APBA2: variants seen among roughly 807,000 people sequenced by gnomAD.
APBA2 encodes the protein amyloid beta precursor protein binding family A member 2, also known as amyloid-beta A4 precursor protein-binding family A member 2.
In APBA2, 30 loss-of-function variants were observed where a neutral mutation model predicts 75.0. The observed-to-expected ratio is 0.40, with a 90% CI of 0.30 to 0.54. The LOEUF is 0.54. Among genes scored for constraint, APBA2 ranks in the 20% least tolerant of loss-of-function variants. The probability of loss-of-function intolerance (pLI) is 0.49; values close to 1 mark genes in which losing one functional copy is unlikely to be tolerated. For synonymous variants in APBA2, 444 were observed against 409.6 expected, an observed-to-expected ratio of 1.08 and a Z score of -1.01; for missense variants, 801 against 1,016.1, an observed-to-expected ratio of 0.79 and a Z score of 2.88.
rs1011782948 is a variant in APBA2 at position 29,117,419 on chromosome 15, G to C, written c.*286G>C. The stretch of plus-strand genomic sequence containing the variant: ...CCCTGCACAAGCCAGGGTGTGTCTC[G>C]GTAGCTGTGCGTGGTGTGGAGTGTG... On this transcript the variant is annotated 3_prime_UTR_variant, in exon 15 of 15. Coordinates refer to ENST00000683413, the MANE Select transcript of APBA2 (RefSeq NM_001353788.2). 7.0e-5 allele frequency: 36 copies of C among 511,838 alleles called. No homozygotes were observed. The highest frequency in any genetic ancestry group is 1.1e-4 in the Non-Finnish European group (32 of 281,386). 31.7% of individuals were successfully genotyped at this position (511,838 alleles called of 1,614,324 possible).
At chr15:29,012,761 T>G (rs1471360640) in intron 3 of APBA2, among the ~76,000 whole-genome samples, 1 of 152,174 alleles carries the variant, frequency 6.6e-6, no homozygotes, top group African/African-American at 2.4e-5. Flanking sequence ...ACCCTCAAGT[T>G]CTTGTTGCCT....
intron 4 of APBA2, among the ~76,000 whole-genome samples, chr15:29,060,388 C>T (rs1285055039): frequency 3.9e-5 from 6 of 152,152 alleles, no homozygotes; most frequent in South Asian, 2.1e-4. Context: ...TGCCAAAACC[C>T]GTGCCTCTGA....
intron 3 of APBA2, among the ~76,000 whole-genome samples, chr15:29,004,887 C>T (rs1321463476): frequency 6.6e-6 from 1 of 152,146 alleles, no homozygotes; most frequent in East Asian, 1.9e-4. Context: ...TCCATGTTGG[C>T]CAGGCTGGTC....
chr15:28,986,204 G>C (rs938473511), intron 2 of APBA2, among the ~76,000 whole-genome samples: 1 of 152,174 alleles, frequency 6.6e-6, no homozygotes, highest in African/African-American at 2.4e-5. Flanking sequence ...CACCCAAAAG[G>C]ACAAAGTATG....
intron 8 of APBA2, among the ~76,000 whole-genome samples, chr15:29,097,123 C>G (rs571061426): frequency 1.3e-5 from 2 of 152,376 alleles, no homozygotes; most frequent in African/African-American, 4.8e-5. Context: ...CCCCCAAGGA[C>G]GCTGTGGGAT....
chr15:28,942,926 G>A (rs2035318707), intron 2 of APBA2, among the ~76,000 whole-genome samples: 1 of 152,218 alleles, frequency 6.6e-6, no homozygotes, highest in Admixed American at 6.5e-5. Flanking sequence ...TCCTTCCTGG[G>A]CCTCGGTTTC....
intron 3 of APBA2, among the ~76,000 whole-genome samples, chr15:29,030,029 T>C (rs940741616): frequency 1.1e-4 from 17 of 152,168 alleles, no homozygotes; most frequent in African/African-American, 4.1e-4. Flanking sequence ...GCCCAACAGG[T>C]GTGGCCCCAA....
chr15:29,000,822 T>C (rs1051270782), intron 3 of APBA2, among the ~76,000 whole-genome samples: 1 of 152,148 alleles, frequency 6.6e-6, no homozygotes, highest in Non-Finnish European at 1.5e-5. Flanking sequence ...CTTGAACTCC[T>C]TGGCCCCTAG....
chr15:29,051,423 A>G (rs549449416), intron 3 of APBA2, among the ~76,000 whole-genome samples: 4 of 152,052 alleles, frequency 2.6e-5, no homozygotes, highest in Non-Finnish European at 5.9e-5. Context: ...TGCTCCGCAT[A>G]CCAGTGATGC....
At chr15:28,971,589 C>T (rs2037071902) in intron 2 of APBA2, among the ~76,000 whole-genome samples, 2 of 152,060 alleles carry the variant, frequency 1.3e-5, no homozygotes, top group Admixed American at 6.6e-5. Flanking sequence ...GGAGATGTTT[C>T]CTGGAGGTTT....
chr15:28,974,367 GA>G (rs1464033379), intron 2 of APBA2, among the ~76,000 whole-genome samples: 1 of 152,204 alleles, frequency 6.6e-6, no homozygotes, highest in Non-Finnish European at 1.5e-5. Context: ...GGGGAGACAT[GA>G]GGGACACGCA....
Position 29,093,104 on chromosome 15 carries a change from A to G in APBA2, c.1099A>G (p.Ile367Val). 1.9e-6 allele frequency: 3 copies of G among 1,614,222 alleles called. No individual in the cohort carries two copies. The highest frequency in any genetic ancestry group is 8.5e-7 in the Non-Finnish European group (1 of 1,180,034). ...VPGPCEPEDL[I>V]DGIIFAANYL... ...AGGGCCCTGCGAACCAGAAGACCTC[A>G]TCGACGGGATCATCTTTGCTGCCAA... Residue 367 changes from isoleucine (I) to valine (V), a missense_variant, in exon 7 of 15, where the codon ATC becomes GTC. Physicochemically the swap from Ile to Val is conservative, Grantham distance 29 (BLOSUM62 3). This residue lies in a region of APBA2 where 367 missense variants were observed against 544.5 expected (regional missense o/e 0.67). Coordinates refer to ENST00000683413, the MANE Select transcript of APBA2 (RefSeq NM_001353788.2).
intron 6 of APBA2, among the ~76,000 whole-genome samples, chr15:29,080,195 C>T (rs904008823): frequency 1.4e-4 from 21 of 152,160 alleles, no homozygotes; most frequent in African/African-American, 4.6e-4. Context: ...TTAAGTATAT[C>T]AACTTAACAA....
chr15:29,028,023 T>C (rs2040310547), intron 3 of APBA2, among the ~76,000 whole-genome samples: 1 of 151,990 alleles, frequency 6.6e-6, no homozygotes, highest in South Asian at 2.1e-4. Flanking sequence ...TTGGGGTACA[T>C]GTGCAGGATG....
intron 2 of APBA2, among the ~76,000 whole-genome samples, chr15:28,959,414 T>C (rs1022251683): frequency 2.0e-5 from 3 of 152,164 alleles, no homozygotes; most frequent in Non-Finnish European, 4.4e-5. Flanking sequence ...TAAAATGATA[T>C]CATCAAGGTA....
At chr15:29,034,039 T>C (rs149553033) in intron 3 of APBA2, among the ~76,000 whole-genome samples, 70 of 151,304 alleles carry the variant, frequency 4.6e-4, no homozygotes, top group African/African-American at 1.7e-3. Flanking sequence ...GATGCAAAGC[T>C]TTGGCGTCCT....
At position 29,117,737 on chromosome 15, in the gene APBA2, C is replaced by CTATTAT. The variant is rs142155061; in HGVS notation, c.*607_*612dup. 2.6e-5 allele frequency: 4 copies of CTATTAT among 154,246 alleles called. No individual in the cohort carries two copies. The highest frequency in any genetic ancestry group is 9.7e-5 in the African/African-American group (4 of 41,380). The allele number at this position is 154,246 out of a possible 1,614,324, so 9.6% of individuals were successfully genotyped here. On this transcript the variant is annotated 3_prime_UTR_variant, in exon 15 of 15. Coordinates refer to ENST00000683413, the MANE Select transcript of APBA2 (RefSeq NM_001353788.2). ...TGAAAACTCCATATTTATTTAGATG[C>CTATTAT]TATTATTACTGTTTGGACTTTTATT...
chr15:29,061,088 G>T (rs115646324), intron 4 of APBA2, among the ~76,000 whole-genome samples: 4 of 152,144 alleles, frequency 2.6e-5, no homozygotes, highest in African/African-American at 9.7e-5. Context: ...CCATAAGAGC[G>T]TTTGTCCAGC....
At chr15:28,997,959 G>A (rs903553104) in intron 3 of APBA2, among the ~76,000 whole-genome samples, 1 of 152,178 alleles carries the variant, frequency 6.6e-6, no homozygotes, top group Non-Finnish European at 1.5e-5. Context: ...TTCTCAGAGA[G>A]AAAGGCGGCA....
Sources: gnomAD v4.1 joint callset for allele counts (sites outside exome capture counted in the v4.1 genomes callset) on GRCh38, gnomAD v4.1.1 for gene constraint, gnomAD v4.1.1 regional missense constraint, MANE v1.5 for transcripts, NCBI Gene and HGNC (gene_info 2026-07-23, HGNC 2026-07-21) for gene names.